RORA: variants seen among roughly 807,000 people sequenced by gnomAD.
The protein encoded by RORA is nuclear receptor ROR-alpha.
In RORA, 7 loss-of-function variants were observed where a neutral mutation model predicts 69.5. That is an observed-to-expected ratio of 0.10 (90% CI 0.06 to 0.19). The LOEUF is 0.19. Among genes scored for constraint, RORA ranks in the 10% least tolerant of loss-of-function variants. The pLI is 1.00. For missense variants in RORA, 457 were observed against 663.0 expected, an observed-to-expected ratio of 0.69 and a Z score of 3.41; for synonymous variants, 261 against 240.8, an observed-to-expected ratio of 1.08 and a Z score of -0.78.
chr15:60,807,418 A>G (rs565687158), intron 1 of RORA, among the ~76,000 whole-genome samples: 1 of 152,360 alleles, frequency 6.6e-6, no homozygotes, highest in South Asian at 2.1e-4. Context: ...GCTGAAAGAA[A>G]TCATAGATGA....
At position 61,119,414 on chromosome 15, in the gene RORA, C is replaced by A. The variant is rs12906503; in HGVS notation, c.166+109639G>T. Among the ~76,000 whole-genome samples, 1,060 of 144,156 alleles carry A rather than the reference C, an allele frequency of 7.4e-3. 13 individuals carry two copies. The highest frequency in any genetic ancestry group is 0.025 in the African/African-American group (965 of 39,194). 94.6% of individuals were successfully genotyped at this position (144,156 alleles called of 152,430 possible). ...GTATATATATATATATATACACACA[C>A]TATATATATATATATACACACACAC... On this transcript the variant is annotated intron_variant, in intron 1 of 10. Transcript: ENST00000335670.
chr15:60,511,219 C>T lies in RORA; in HGVS notation c.820+7G>A. 1 of 1,606,804 alleles carries T rather than the reference C, an allele frequency of 6.2e-7. No individual in the cohort carries two copies. Among genetic ancestry groups the T allele is most frequent in the Non-Finnish European group, 8.5e-7 (1 of 1,176,286 alleles). ...GAGCATCCCAGGAGAAGCATGCATG[C>T]CATTACCTAATTCTGCCATGGACAC... On this transcript the variant is annotated splice_region_variant and intron_variant, in intron 5 of 10. Coordinates refer to ENST00000335670, the MANE Select transcript of RORA (RefSeq NM_134261.3). The surrounding 1 kb of genome is among the most constrained non-coding windows in gnomAD (Gnocchi z 6.4).
At chr15:60,659,525 A>G (rs140091579) in intron 2 of RORA, among the ~76,000 whole-genome samples, 2 of 152,302 alleles carry the variant, frequency 1.3e-5, no homozygotes, top group African/African-American at 4.8e-5. Flanking sequence ...CCTTAGTATA[A>G]AAGGTAACTT....
intron 1 of RORA, among the ~76,000 whole-genome samples, chr15:60,935,111 A>C (rs1248540274): frequency 6.6e-6 from 1 of 152,260 alleles, no homozygotes; most frequent in Non-Finnish European, 1.5e-5. Context: ...ATGAATAAAA[A>C]GATGCTCACA....
chr15:60,996,536 A>G (rs563354391), intron 1 of RORA, among the ~76,000 whole-genome samples: 2 of 152,342 alleles, frequency 1.3e-5, no homozygotes, highest in African/African-American at 4.8e-5. Flanking sequence ...CTACACCAGT[A>G]CAATGAAGTG....
rs182109364 is a variant in RORA, at chr15:60,761,157, G to C, written c.167-82471C>G. 2.0e-4 allele frequency among the ~76,000 whole-genome samples: 30 copies of C among 152,200 alleles called. No individual in the cohort carries two copies. In the East Asian group the frequency reaches 2.1e-3, roughly 11 times the overall value. The stretch of plus-strand genomic sequence containing the variant: ...ACCAACTTCTGCAGATTCCATGGGC[G>C]ACATTGCCTCTTCGAAGCAGCAGGA... On this transcript the variant is annotated intron_variant, in intron 1 of 10. Transcript: ENST00000335670.
In RORA at chr15:61,074,019, C is replaced by G. The variant is rs527285384; in HGVS notation, c.166+155034G>C. Among the ~76,000 whole-genome samples the G allele has an allele frequency of 1.6e-4, 25 of 152,248 alleles. 1 individual carries two copies. The South Asian group carries it at 4.8e-3, about 29-fold the overall frequency. ...GATAAAATGTGGGGTGGCTCAGAACCACTGGTGGGCTTCAGTGGTTTTCTA... is the reference window on the plus strand; with the variant it reads ...GATAAAATGTGGGGTGGCTCAGAACGACTGGTGGGCTTCAGTGGTTTTCTA... On this transcript the variant is annotated intron_variant, in intron 1 of 10. Coordinates refer to ENST00000335670, the MANE Select transcript of RORA (RefSeq NM_134261.3).
intron 1 of RORA, among the ~76,000 whole-genome samples, chr15:60,933,014 C>T (rs1351162394): frequency 6.6e-6 from 1 of 152,098 alleles, no homozygotes; most frequent in Admixed American, 6.6e-5. Flanking sequence ...TCCAGGTTGC[C>T]CCCCACAGTC....
intron 1 of RORA, among the ~76,000 whole-genome samples, chr15:61,007,060 T>C (rs1215210385): frequency 6.6e-6 from 1 of 152,074 alleles, no homozygotes; most frequent in South Asian, 2.1e-4. Flanking sequence ...TTGCTTCTCT[T>C]ACCTTCAAGC....
At chr15:61,175,682 A>C (rs2079622976) in intron 1 of RORA, among the ~76,000 whole-genome samples, 1 of 151,758 alleles carries the variant, frequency 6.6e-6, no homozygotes, top group African/African-American at 2.4e-5. Flanking sequence ...GTGTCACTGC[A>C]CTCCAACCCG....
At chr15:60,752,316 T>C (rs1179706256) in intron 1 of RORA, among the ~76,000 whole-genome samples, 1 of 152,180 alleles carries the variant, frequency 6.6e-6, no homozygotes, top group Non-Finnish European at 1.5e-5. Context: ...CTCTTTCCTT[T>C]TCCTTCTGGC....
In RORA at chr15:60,772,465, A is replaced by G. The variant is rs892009680; in HGVS notation, c.167-93779T>C. Among the ~76,000 whole-genome samples, 21 of 152,346 alleles carry G rather than the reference A, an allele frequency of 1.4e-4. 1 individual carries two copies. The highest frequency in any genetic ancestry group is 5.9e-4 in the Admixed American group (9 of 15,304). On this transcript the variant is annotated intron_variant, in intron 1 of 10. Transcript: ENST00000335670. ...ATAAATTTCTAGGGAAAAATACCAC[A>G]GAGTAATAATGTCAGCTTTAACTTT...
chr15:60,991,146 T>A (rs2140369639), intron 1 of RORA, among the ~76,000 whole-genome samples: 1 of 152,204 alleles, frequency 6.6e-6, no homozygotes, highest in Admixed American at 6.5e-5. Context: ...ACCCAGGAAA[T>A]AATAAAACTT....
intron 1 of RORA, among the ~76,000 whole-genome samples, chr15:60,945,928 G>A (rs900265923): frequency 5.9e-5 from 9 of 152,168 alleles, no homozygotes; most frequent in African/African-American, 2.2e-4. Flanking sequence ...ATGCTCATAA[G>A]TTCTCCCAGC....
At chr15:61,127,024 C>T (rs2140833429) in intron 1 of RORA, among the ~76,000 whole-genome samples, 1 of 152,238 alleles carries the variant, frequency 6.6e-6, no homozygotes, top group African/African-American at 2.4e-5. Context: ...CAAACTGAAA[C>T]ACACACACAC....
intron 1 of RORA, among the ~76,000 whole-genome samples, chr15:60,770,799 C>A (rs1050757221): frequency 6.6e-6 from 1 of 152,084 alleles, no homozygotes; most frequent in African/African-American, 2.4e-5. Context: ...GTTTTCACGG[C>A]TCTTGATGTA....
At position 61,105,135 on chromosome 15, in the gene RORA, G is replaced by C. The variant is rs556943126; in HGVS notation, c.166+123918C>G. On this transcript the variant is annotated intron_variant, in intron 1 of 10. Transcript: ENST00000335670. ...CTAGTTAACCCTTACTCATCTCTTG[G>C]GATCTCAACTCAAAAGTAACTTTCT... Among the ~76,000 whole-genome samples the C allele has an allele frequency of 2.6e-5, 4 of 151,972 alleles. No homozygotes were observed. The East Asian group carries it at 7.7e-4, about 29-fold the overall frequency.
chr15:60,681,366 C>G (rs2070640044), intron 1 of RORA, among the ~76,000 whole-genome samples: 1 of 152,174 alleles, frequency 6.6e-6, no homozygotes, highest in South Asian at 2.1e-4. Flanking sequence ...CTCCTTGGAG[C>G]ATACCACTCA....
intron 1 of RORA, among the ~76,000 whole-genome samples, chr15:61,209,567 C>T (rs1273017655): frequency 6.6e-6 from 1 of 152,200 alleles, no homozygotes; most frequent in Non-Finnish European, 1.5e-5. Context: ...TGTTAAAGCG[C>T]TAATCCTCAG....
Sources: allele counts gnomAD v4.1 joint callset (sites outside exome capture counted in the v4.1 genomes callset), GRCh38; gene constraint gnomAD v4.1.1; non-coding constraint Gnocchi (gnomAD v3.1); transcripts MANE v1.5; gene names NCBI Gene and HGNC (gene_info 2026-07-23, HGNC 2026-07-21).